Variants in WIF1 observed in about 807,000 individuals in gnomAD.
WIF1 encodes Wnt inhibitory factor 1.
WIF1 carries 35 observed loss-of-function variants against 53.5 expected under a neutral mutation model. That is an observed-to-expected ratio of 0.65 (90% CI 0.50 to 0.87). The LOEUF (loss-of-function observed/expected upper bound fraction) is 0.87, where lower values mean the gene tolerates loss of function less well. WIF1 is among the 40% of genes least tolerant of loss of function. WIF1 has a pLI of 0.00. For missense variants in WIF1, 467 were observed against 476.8 expected (o/e 0.98, Z 0.19); for synonymous variants, 171 against 170.4 (o/e 1.00, Z -0.03).
At chr12:65,108,218 T>C (rs1883379347) in intron 2 of WIF1, among the ~76,000 whole-genome samples, 1 of 152,250 alleles carries the variant, frequency 6.6e-6, no homozygotes, top group Non-Finnish European at 1.5e-5. Context: ...ATATCCAATT[T>C]ACATTAGTCT....
At position 65,084,678 on chromosome 12, in the gene WIF1, A is replaced by C. The variant is rs193005885; in HGVS notation, c.289-6824T>G. ...CACTCAGCATTGTGCACAGCAAGGC[A>C]TTTGAAAAATATCTGCTGAATAAGT... On this transcript the variant is annotated intron_variant, in intron 2 of 9. Transcript: ENST00000286574. Among the ~76,000 whole-genome samples, 4 of 152,344 alleles carry C rather than the reference A, an allele frequency of 2.6e-5. No homozygotes were observed. The East Asian group carries it at 7.7e-4, about 29-fold the overall frequency.
At chr12:65,114,934 A>G (rs1050651207) in intron 2 of WIF1, among the ~76,000 whole-genome samples, 2 of 152,168 alleles carry the variant, frequency 1.3e-5, no homozygotes, top group African/African-American at 4.8e-5. Flanking sequence ...CACACTATAC[A>G]TGATAAAAAG....
At chr12:65,053,812 A>G (rs988103756) in intron 9 of WIF1, among the ~76,000 whole-genome samples, 6 of 151,822 alleles carry the variant, frequency 4.0e-5, no homozygotes, top group Non-Finnish European at 8.8e-5. Flanking sequence ...AAACTTAGAA[A>G]TTAGAAAGAC....
chr12:65,053,227 C>T (rs920558429), intron 9 of WIF1, among the ~76,000 whole-genome samples: 2 of 152,190 alleles, frequency 1.3e-5, no homozygotes, highest in Non-Finnish European at 2.9e-5. Context: ...AGCGGCACTG[C>T]TTATTAAATT....
chr12:65,117,105 C>T (rs1338562838), intron 2 of WIF1, among the ~76,000 whole-genome samples: 2 of 152,154 alleles, frequency 1.3e-5, no homozygotes, highest in South Asian at 2.1e-4. Flanking sequence ...TATTCTGCCA[C>T]TATTGCTGGA....
intron 5 of WIF1, among the ~76,000 whole-genome samples, chr12:65,066,955 G>A (rs986785312): frequency 1.4e-5 from 2 of 146,422 alleles, no homozygotes; most frequent in Non-Finnish European, 2.9e-5. Context: ...GATGACTTTT[G>A]GATTGGTTCC....
At chr12:65,090,591 G>C (rs568435757) in intron 2 of WIF1, among the ~76,000 whole-genome samples, 75 of 152,248 alleles carry the variant, frequency 4.9e-4, no homozygotes, top group Admixed American at 1.9e-3. Context: ...CTTGAGAAAG[G>C]ATGGCAGAAC....
Position 65,068,893 on chromosome 12 carries a change from C to A in WIF1, c.409G>T (p.Gly137Cys), listed in dbSNP as rs1388860567. 6.2e-7 allele frequency: 1 copy of A among 1,612,076 alleles called. No individual in the cohort carries two copies. The highest frequency in any genetic ancestry group is 8.5e-7 in the Non-Finnish European group (1 of 1,179,218). Residue 137 changes from glycine to cysteine, a missense_variant, in exon 4 of 10, where the codon GGT (glycine) becomes TGT (cysteine). By Grantham distance (159) the Gly-to-Cys change is radical. Coordinates refer to ENST00000286574, the MANE Select transcript of WIF1 (RefSeq NM_007191.5). ...VPHKASVVQVGFPCLGKQDGV... is the reference protein window; with the variant it reads ...VPHKASVVQVCFPCLGKQDGV... ...TCCTGTTTTCCAAGACATGGGAAAC[C>A]AACTTGAACAACTAAAAGAAAAAAA...
intron 2 of WIF1, among the ~76,000 whole-genome samples, chr12:65,107,949 A>G (rs559543237): frequency 2.0e-5 from 3 of 152,334 alleles, no homozygotes; most frequent in South Asian, 4.1e-4. Context: ...TCTCAAGTAC[A>G]TAAAAGCCAT....
chr12:65,056,259 T>C, intron 7 of WIF1, 133 bp from the exon 8 acceptor site: 1 of 707,242 alleles, frequency 1.4e-6, no homozygotes, highest in Non-Finnish European at 2.2e-6. Flanking sequence ...ATTTCAGATC[T>C]ACTCTGGCTT....
Position 65,109,596 on chromosome 12 carries a change from G to C in WIF1, c.288+10821C>G, listed in dbSNP as rs184854779. On this transcript the variant is annotated intron_variant, in intron 2 of 9. Coordinates refer to ENST00000286574, the MANE Select transcript of WIF1 (RefSeq NM_007191.5). ...GATCAGTTAAAGCTTGTATTCTTAG[G>C]ACCAAGGACATACTAAGCACTGACA... 4.4e-3 allele frequency among the ~76,000 whole-genome samples: 675 copies of C among 152,264 alleles called. 10 individuals carry two copies. Among genetic ancestry groups the C allele is most frequent in the Non-Finnish European group, 2.8e-3 (190 of 68,024 alleles).
chr12:65,100,168 A>C (rs1883259299), intron 2 of WIF1, among the ~76,000 whole-genome samples: 1 of 152,196 alleles, frequency 6.6e-6, no homozygotes, highest in Non-Finnish European at 1.5e-5. Context: ...ATTTTTTAGG[A>C]ATTACCTACT....
At chr12:65,108,179 A>C (rs1883378851) in intron 2 of WIF1, among the ~76,000 whole-genome samples, 1 of 152,224 alleles carries the variant, frequency 6.6e-6, no homozygotes, top group Non-Finnish European at 1.5e-5. Flanking sequence ...TTTCCACATT[A>C]GACTGTGATC....
chr12:65,060,906 TA>T (rs1433684761), intron 7 of WIF1, among the ~76,000 whole-genome samples: 1 of 151,892 alleles, frequency 6.6e-6, no homozygotes, highest in South Asian at 2.1e-4. Flanking sequence ...TTTGATGTGG[TA>T]AAACAAAAAA....
intron 7 of WIF1, among the ~76,000 whole-genome samples, chr12:65,058,798 C>T (rs1281051764): frequency 6.6e-6 from 1 of 152,128 alleles, no homozygotes; most frequent in Admixed American, 6.5e-5. Flanking sequence ...GCCTGTAATC[C>T]CAGCACTTTG....
chr12:65,088,367 T>C lies in WIF1; in HGVS notation c.289-10513A>G, dbSNP rs551751077. 5.3e-5 allele frequency among the ~76,000 whole-genome samples: 8 copies of C among 152,252 alleles called. No individual in the cohort carries two copies. The East Asian group carries it at 1.5e-3, about 29-fold the overall frequency. Reference sequence around the variant, plus strand: ...CCATCTATCTACAAATAGTCTAATATCCAATCCTGGTTCCTTTCCATATCC... The same window carrying C: ...CCATCTATCTACAAATAGTCTAATACCCAATCCTGGTTCCTTTCCATATCC... On this transcript the variant is annotated intron_variant, in intron 2 of 9. Coordinates refer to ENST00000286574, the MANE Select transcript of WIF1 (RefSeq NM_007191.5).
At chr12:65,051,980 G>A (rs1343643450) in intron 9 of WIF1, among the ~76,000 whole-genome samples, 1 of 152,174 alleles carries the variant, frequency 6.6e-6, no homozygotes, top group Non-Finnish European at 1.5e-5. Flanking sequence ...ATGTGTCAGG[G>A]AAAAGGTTAA....
intron 6 of WIF1, among the ~76,000 whole-genome samples, chr12:65,063,434 A>G (rs1882642937): frequency 6.6e-6 from 1 of 152,216 alleles, no homozygotes; most frequent in East Asian, 1.9e-4. Flanking sequence ...TAGCAATTCC[A>G]GTTATATGAC....
intron 2 of WIF1, among the ~76,000 whole-genome samples, chr12:65,095,107 A>ATTTTT (rs71096025): frequency 1.4e-5 from 2 of 139,570 alleles, no homozygotes; most frequent in African/African-American, 2.6e-5. Context: ...TAATTTTTGT[A>ATTTTT]TTTTTTTTTT....
Sources: gnomAD v4.1 joint callset for allele counts (sites outside exome capture counted in the v4.1 genomes callset) on GRCh38, gnomAD v4.1.1 for gene constraint, MANE v1.5 for transcripts, NCBI Gene and HGNC (gene_info 2026-07-23, HGNC 2026-07-21) for gene names.